POMK: variants seen among roughly 807,000 people sequenced by gnomAD.
The protein encoded by POMK is protein O-mannose kinase.
A neutral mutation model predicts 23.0 loss-of-function variants in POMK; 19 were observed. The ratio of observed to expected loss-of-function variants is 0.83; its 90% confidence interval spans 0.58 to 1.21. The LOEUF is 1.21. Among genes scored for constraint, POMK ranks in the 50% most tolerant of loss-of-function variants. POMK has a pLI of 0.00. For synonymous variants in POMK, 173 were observed against 171.6 expected, an observed-to-expected ratio of 1.01 and a Z score of -0.06; for missense variants, 410 against 431.3, an observed-to-expected ratio of 0.95 and a Z score of 0.44.
chr8:43,110,872 A>G (rs1385292453), intron 4 of POMK, among the ~76,000 whole-genome samples: 1 of 152,108 alleles, frequency 6.6e-6, no homozygotes, highest in Admixed American at 6.5e-5. Flanking sequence ...GTGAGCCGAG[A>G]TCGCGCCATT....
chr8:43,116,809 A>G (rs1011285068), intron 4 of POMK, among the ~76,000 whole-genome samples: 20 of 152,340 alleles, frequency 1.3e-4, no homozygotes, highest in Admixed American at 1.3e-3. Context: ...GATTTCATGC[A>G]TGTCCGTGTG....
chr8:43,121,921 G>A (rs970809669), intron 4 of POMK, among the ~76,000 whole-genome samples, 186 bp from the exon 5 acceptor site: 1 of 152,246 alleles, frequency 6.6e-6, no homozygotes. Flanking sequence ...TTGCCTTGCT[G>A]AATGCTGTGT....
intron 1 of POMK, 46 bp downstream of exon 1, chr8:43,093,609 G>A: frequency 6.5e-6 from 1 of 152,940 alleles, no homozygotes; most frequent in Non-Finnish European, 1.5e-5. Context: ...GCGAGGGGGC[G>A]TGCAGCTGGG....
At chr8:43,118,330 G>A (rs1030374283) in intron 4 of POMK, among the ~76,000 whole-genome samples, 7 of 152,244 alleles carry the variant, frequency 4.6e-5, no homozygotes, top group African/African-American at 1.7e-4. Context: ...AACGCCATTA[G>A]TATAACAGCA....
rs1489627563 is a variant in POMK, at chr8:43,097,399, C to T, written c.-209-125C>T. The T allele has an allele frequency of 2.0e-5, 3 of 152,010 alleles. 1 individual carries two copies. The highest frequency in any genetic ancestry group is 4.4e-5 in the Non-Finnish European group (3 of 68,008). 9.4% of individuals were successfully genotyped at this position (152,010 alleles called of 1,614,324 possible). ...TTGGATGGGGAGGAGTCCAGAGGGTCTTCAACTCTATTTGTAATATTTAAT... is the reference window on the plus strand; with the variant it reads ...TTGGATGGGGAGGAGTCCAGAGGGTTTTCAACTCTATTTGTAATATTTAAT... On this transcript the variant is annotated intron_variant, in intron 1 of 4. Coordinates refer to ENST00000331373, the MANE Select transcript of POMK (RefSeq NM_032237.5).
chr8:43,110,684 G>A (rs1218259013), intron 4 of POMK, among the ~76,000 whole-genome samples: 1 of 152,162 alleles, frequency 6.6e-6, no homozygotes, highest in Non-Finnish European at 1.5e-5. Flanking sequence ...TTGGGAGGCC[G>A]GGGCAGAAGG....
chr8:43,112,039 C>T (rs1285500157), intron 4 of POMK, among the ~76,000 whole-genome samples: 2 of 152,210 alleles, frequency 1.3e-5, no homozygotes, highest in Admixed American at 1.3e-4. Flanking sequence ...CGCAGCTCCT[C>T]ACCAGCAATG....
intron 4 of POMK, among the ~76,000 whole-genome samples, chr8:43,114,073 C>G (rs543090972): frequency 7.0e-4 from 106 of 152,340 alleles, no homozygotes; most frequent in Non-Finnish European, 1.1e-3. Flanking sequence ...CAGGGACCCA[C>G]TTGAGGCAGT....
chr8:43,116,000 T>TA (rs1335897703), intron 4 of POMK, among the ~76,000 whole-genome samples: 3 of 152,230 alleles, frequency 2.0e-5, no homozygotes, highest in Non-Finnish European at 4.4e-5. Context: ...TTCCTTCCCT[T>TA]ACCTCCTTCA....
Position 43,122,615 on chromosome 8 carries a change from A to T in POMK, c.791A>T (p.Glu264Val). 6.2e-7 allele frequency: 1 copy of T among 1,614,192 alleles called. No homozygotes were observed. The highest frequency in any genetic ancestry group is 1.1e-5 in the South Asian group (1 of 91,084). The stretch of plus-strand genomic sequence containing the variant: ...CCAGAGCAACTGTGGCCCTATGGAG[A>T]GGACGTGCCTTTCCACGATGATCTC... The part of the protein sequence containing the change: ...VAPEQLWPYG[E>V]DVPFHDDLMP... The change falls in exon 5 of 5, where the codon GAG (glutamate) becomes GTG (valine). Residue 264 changes from glutamate (E) to valine (V), a missense_variant. Transcript: ENST00000331373.
chr8:43,113,439 C>T (rs931290311), intron 4 of POMK, among the ~76,000 whole-genome samples: 6 of 152,172 alleles, frequency 3.9e-5, no homozygotes, highest in Non-Finnish European at 5.9e-5. Flanking sequence ...ATGTAGTTCT[C>T]GAGCCTTGGC....
Position 43,103,666 on chromosome 8 carries a change from C to A in POMK, c.118C>A (p.His40Asn). 6.2e-7 allele frequency: 1 copy of A among 1,614,114 alleles called. No individual in the cohort carries two copies. Among genetic ancestry groups the A allele is most frequent in the Non-Finnish European group, 8.5e-7 (1 of 1,180,038 alleles). The stretch of plus-strand genomic sequence containing the variant: ...TACTCTGCTCTACCTCTGCCTCGAC[C>A]ACTTCTTCATCGCTCCTCGACAATC... ...MNTLLYLCLD[H>N]FFIAPRQSTV... is the part of the protein sequence containing the mutation. The change falls in exon 4 of 5, where the codon CAC (histidine) becomes AAC (asparagine). Residue 40 changes from histidine to asparagine, a missense_variant. Transcript: ENST00000331373.
At position 43,122,024 on chromosome 8, in the gene POMK, G is replaced by A. The variant is rs141024240; in HGVS notation, c.283-83G>A. The A allele has an allele frequency of 4.0e-5, 53 of 1,328,662 alleles. No homozygotes were observed. In the African/African-American group the frequency reaches 6.7e-4, roughly 17 times the overall value. The allele number at this position is 1,328,662 out of a possible 1,614,324, so 82.3% of individuals were successfully genotyped here. ...TTTCTGTATCTTCTGCAGAACACCTGCCACTTAAAAGATATTTGTTGTTCT... is the reference window on the plus strand; with the variant it reads ...TTTCTGTATCTTCTGCAGAACACCTACCACTTAAAAGATATTTGTTGTTCT... On this transcript the variant is annotated intron_variant, in intron 4 of 4. Transcript: ENST00000331373.
intron 4 of POMK, among the ~76,000 whole-genome samples, chr8:43,119,114 C>G (rs530956360): frequency 6.6e-5 from 10 of 152,072 alleles, no homozygotes; most frequent in Non-Finnish European, 1.3e-4. Context: ...GCCGGCCCCC[C>G]ACTTATTGTT....
intron 4 of POMK, among the ~76,000 whole-genome samples, chr8:43,117,040 G>A (rs1310189574): frequency 2.0e-5 from 3 of 152,176 alleles, no homozygotes; most frequent in African/African-American, 7.2e-5. Context: ...TTTGAGCCAG[G>A]ATGAGCCAGG....
intron 1 of POMK, among the ~76,000 whole-genome samples, chr8:43,096,330 T>C (rs1364627755): frequency 6.6e-6 from 1 of 152,110 alleles, no homozygotes; most frequent in Non-Finnish European, 1.5e-5. Flanking sequence ...GGCTGTTGAA[T>C]GTTAAGCAAG....
intron 4 of POMK, among the ~76,000 whole-genome samples, chr8:43,115,860 A>G (rs1339153805): frequency 6.6e-6 from 1 of 152,152 alleles, no homozygotes; most frequent in Non-Finnish European, 1.5e-5. Context: ...CTCCTGCTCC[A>G]TGGTCCCTGT....
intron 4 of POMK, among the ~76,000 whole-genome samples, chr8:43,112,920 A>G (rs1485287008): frequency 6.6e-6 from 1 of 152,258 alleles, no homozygotes; most frequent in African/African-American, 2.4e-5. Context: ...GGAAGCGCTA[A>G]ACATGGAAAG....
Position 43,107,732 on chromosome 8 carries a change from T to C in POMK, c.282+3902T>C, listed in dbSNP as rs184040800. On this transcript the variant is annotated intron_variant, in intron 4 of 4. Coordinates refer to ENST00000331373, the MANE Select transcript of POMK (RefSeq NM_032237.5). ...GTCTTGCTCCGTCACCCAGGCTGGA[T>C]TGCAGTGGTGTGATTGTGGCTTACT... Among the ~76,000 whole-genome samples, 19 of 133,600 alleles carry C rather than the reference T, an allele frequency of 1.4e-4. No individual in the cohort carries two copies. The East Asian group carries it at 3.5e-3, about 25-fold the overall frequency. The allele number at this position is 133,600 out of a possible 152,430, so 87.6% of individuals were successfully genotyped here.
Sources: allele counts gnomAD v4.1 joint callset (sites outside exome capture counted in the v4.1 genomes callset), GRCh38; gene constraint gnomAD v4.1.1; transcripts MANE v1.5; gene names NCBI Gene and HGNC (gene_info 2026-07-23, HGNC 2026-07-21).